The following CCNH variants were observed in gnomAD, a reference collection of about 807,000 sequenced individuals.
CCNH encodes cyclin-H.
CCNH carries 31 observed loss-of-function variants against 41.9 expected under a neutral mutation model. The ratio of observed to expected loss-of-function variants is 0.74; its 90% CI spans 0.56 to 1.00. The LOEUF (loss-of-function observed/expected upper bound fraction) is 1.00. Among genes scored for constraint, CCNH ranks in the 50% least tolerant of loss-of-function variants. CCNH has a pLI of 0.00. For synonymous variants in CCNH, 138 were observed against 136.1 expected (o/e 1.01, Z -0.10); for missense variants, 362 against 388.4 (o/e 0.93, Z 0.57).
intron 9 of CCNH, chr5:87,349,113 C>T (rs1435309687): frequency 7.4e-7 from 1 of 1,355,614 alleles, no homozygotes; most frequent in East Asian, 2.4e-5. Context: ...TGAAAATTTA[C>T]ATATGTTTAT....
downstream of CCNH, chr5:87,392,290 A>C (rs1277454295): frequency 6.6e-6 from 3 of 455,992 alleles, no homozygotes; most frequent in Non-Finnish European, 8.8e-6. Flanking sequence ...CTAAGGGCTT[A>C]AAAGATGTCT....
intron 9 of CCNH, chr5:87,333,173 T>C: frequency 2.6e-6 from 4 of 1,521,438 alleles, no homozygotes; most frequent in Non-Finnish European, 3.5e-6. Context: ...GAGTTTCTAA[T>C]GTGAATTTTT....
exon 1 of CCNH, chr5:87,376,837 A>G: frequency 6.5e-7 from 1 of 1,534,314 alleles, no homozygotes; most frequent in Middle Eastern, 1.7e-4. Context: ...GAGCATGCTT[A>G]TAATGCTACG....
At chr5:87,333,473 C>A in intron 9 of CCNH, 1 of 1,349,808 alleles carries the variant, frequency 7.4e-7, no homozygotes. Flanking sequence ...GATATTGGGT[C>A]TGTTGGTCCT....
At chr5:87,409,228 A>T in intron 3 of CCNH, 62 bp downstream of exon 3, 1 of 968,690 alleles carries the variant, frequency 1.0e-6, no homozygotes, top group Non-Finnish European at 1.6e-6. Context: ...CTCCCAAAAA[A>T]TACTCAAAAG....
At chr5:87,403,855 A>G (rs1355796269) in intron 5 of CCNH, among the ~76,000 whole-genome samples, 1 of 152,238 alleles carries the variant, frequency 6.6e-6, no homozygotes, top group East Asian at 1.9e-4. Flanking sequence ...AGTAATTTAC[A>G]TGACTATCTT....
chr5:87,338,501 T>TTATATATATATATA (rs3069490), intron 9 of CCNH, among the ~76,000 whole-genome samples: 3 of 75,678 alleles, frequency 4.0e-5, no homozygotes, highest in South Asian at 5.2e-4. Context: ...CCAGCTAATT[T>TTATATATATATATA]TATATATATA....
intron 9 of CCNH, chr5:87,346,779 G>A: frequency 1.5e-6 from 2 of 1,328,984 alleles, no homozygotes; most frequent in Non-Finnish European, 2.2e-6. Context: ...ATAAAAAAGT[G>A]AACAAACCAT....
chr5:87,389,610 C>G, downstream of CCNH: 1 of 1,534,936 alleles, frequency 6.5e-7, no homozygotes, highest in South Asian at 1.1e-5. Context: ...TTCTGGTTAA[C>G]ATTTTTATCT....
intron 9 of CCNH, among the ~76,000 whole-genome samples, chr5:87,342,107 T>G (rs1020418748): frequency 6.6e-6 from 1 of 152,128 alleles, no homozygotes; most frequent in Admixed American, 6.5e-5. Flanking sequence ...TGTATTAGTT[T>G]GAAGTCTCCT....
At chr5:87,366,083 T>C (rs1760491196) in intron 9 of CCNH, among the ~76,000 whole-genome samples, 1 of 152,184 alleles carries the variant, frequency 6.6e-6, no homozygotes, top group African/African-American at 2.4e-5. Flanking sequence ...AGAAAAACTT[T>C]TGGTGAATGA....
At chr5:87,393,628 C>CTGTT (rs1373174585), downstream of CCNH, 1 of 152,094 alleles carries the variant, frequency 6.6e-6, no homozygotes, top group Non-Finnish European at 1.5e-5. Flanking sequence ...TTCCTAGTAA[C>CTGTT]TGTTATAATC....
intron 7 of CCNH, among the ~76,000 whole-genome samples, chr5:87,399,005 T>C (rs1459589234): frequency 6.6e-6 from 1 of 151,900 alleles, no homozygotes; most frequent in African/African-American, 2.4e-5. Flanking sequence ...TATGCCAACT[T>C]TCTCTACTCT....
intron 9 of CCNH, among the ~76,000 whole-genome samples, chr5:87,358,506 C>T (rs964799693): frequency 3.3e-5 from 5 of 152,158 alleles, no homozygotes; most frequent in Non-Finnish European, 7.4e-5. Context: ...CTGACTCTGT[C>T]TTCAAAGTAT....
At chr5:87,406,897 A>G (rs1167290631) in intron 4 of CCNH, among the ~76,000 whole-genome samples, 1 of 152,128 alleles carries the variant, frequency 6.6e-6, no homozygotes, top group Non-Finnish European at 1.5e-5. Context: ...TGCCAACATG[A>G]TCTTTTAAAG....
chr5:87,378,266 C>A, upstream of CCNH: 1 of 1,029,246 alleles, frequency 9.7e-7, no homozygotes, highest in Non-Finnish European at 1.5e-6. Flanking sequence ...TTAGTACTTT[C>A]AACGCTGCAC....
intron 3 of CCNH, 67 bp downstream of exon 3, chr5:87,409,223 A>G: frequency 1.1e-6 from 1 of 934,674 alleles, no homozygotes; most frequent in Non-Finnish European, 1.7e-6. Context: ...CTCTCCTCCC[A>G]AAAAATACTC....
chr5:87,358,067 T>C (rs1759788449), intron 9 of CCNH, among the ~76,000 whole-genome samples: 1 of 152,276 alleles, frequency 6.6e-6, no homozygotes, highest in East Asian at 1.9e-4. Context: ...AGCAATACTA[T>C]CTTTTTACTA....
downstream of CCNH, among the ~76,000 whole-genome samples, chr5:87,316,966 T>G (rs934269589): frequency 6.6e-6 from 1 of 151,774 alleles, no homozygotes; most frequent in African/African-American, 2.4e-5. Context: ...TACTGCAACC[T>G]CTACCTCCTG....
Sources: gnomAD v4.1 joint callset for allele counts (sites outside exome capture counted in the v4.1 genomes callset) on GRCh38, gnomAD v4.1.1 for gene constraint, MANE v1.5 for transcripts, NCBI Gene and HGNC (gene_info 2026-07-23, HGNC 2026-07-21) for gene names.